Variants in MAGI1 observed in about 807,000 individuals in gnomAD.
MAGI1 encodes the protein membrane-associated guanylate kinase, WW and PDZ domain-containing protein 1.
MAGI1 carries 58 observed loss-of-function variants against 139.9 expected under a neutral mutation model. That is an observed-to-expected ratio of 0.41 (90% CI 0.34 to 0.52). The LOEUF (loss-of-function observed/expected upper bound fraction) is 0.52, where lower values mean the gene tolerates loss of function less well. MAGI1 is among the 20% of genes least tolerant of loss of function. MAGI1 has a pLI of 0.12. For missense variants in MAGI1, 1,874 were observed against 1,901.6 expected (o/e 0.99, Z 0.27); for synonymous variants, 812 against 737.9 (o/e 1.10, Z -1.63).
At chr3:65,448,270 T>C in intron 6 of MAGI1, 1 of 598,260 alleles carries the variant, frequency 1.7e-6, no homozygotes, top group Non-Finnish European at 3.0e-6. Flanking sequence ...ATTGGCAAAA[T>C]AATTACATGG....
chr3:65,965,519 A>T (rs2064695620), intron 1 of MAGI1, among the ~76,000 whole-genome samples: 1 of 152,204 alleles, frequency 6.6e-6, no homozygotes, highest in Non-Finnish European at 1.5e-5. Context: ...GGTGCTGAAG[A>T]CATATTAACA....
chr3:65,897,990 A>T (rs1408647312), intron 1 of MAGI1, among the ~76,000 whole-genome samples: 1 of 152,194 alleles, frequency 6.6e-6, no homozygotes, highest in Non-Finnish European at 1.5e-5. Flanking sequence ...AGAAAGACAG[A>T]TGTTTTCTCC....
At chr3:65,692,756 C>T (rs143781772) in intron 1 of MAGI1, among the ~76,000 whole-genome samples, 121 of 152,234 alleles carry the variant, frequency 7.9e-4, no homozygotes, top group African/African-American at 2.8e-3. Flanking sequence ...TGTCATGAGA[C>T]TGAGTCTGTT....
intron 1 of MAGI1, among the ~76,000 whole-genome samples, chr3:65,699,403 T>G (rs1469071626): frequency 6.7e-6 from 1 of 148,516 alleles, no homozygotes; most frequent in Non-Finnish European, 1.5e-5. Flanking sequence ...CTATAAATCA[T>G]GCTGCTGTAA....
At chr3:65,877,387 C>T (rs554403459) in intron 1 of MAGI1, among the ~76,000 whole-genome samples, 18 of 152,264 alleles carry the variant, frequency 1.2e-4, no homozygotes, top group African/African-American at 4.3e-4. Context: ...AGGGCACAAA[C>T]ATAAATGTTG....
chr3:65,656,382 C>T (rs1460418419), intron 1 of MAGI1, among the ~76,000 whole-genome samples: 1 of 152,144 alleles, frequency 6.6e-6, no homozygotes, highest in African/African-American at 2.4e-5. Context: ...GAGGTGAAGT[C>T]TGGTGTCCGT....
intron 1 of MAGI1, among the ~76,000 whole-genome samples, chr3:65,711,775 G>C (rs1402098932): frequency 2.0e-5 from 3 of 152,182 alleles, no homozygotes. Context: ...CAAGGTCTCA[G>C]AAGAAACCAA....
intron 1 of MAGI1, among the ~76,000 whole-genome samples, chr3:65,639,833 T>A (rs2084885805): frequency 6.6e-6 from 1 of 151,782 alleles, no homozygotes; most frequent in South Asian, 2.1e-4. Flanking sequence ...AAAAACCCCG[T>A]CTCTACTAAA....
At chr3:65,582,208 C>T (rs1433862548) in intron 2 of MAGI1, among the ~76,000 whole-genome samples, 1 of 152,172 alleles carries the variant, frequency 6.6e-6, no homozygotes, top group Non-Finnish European at 1.5e-5. Context: ...CATTCCCTGC[C>T]CTAGAACAGT....
intron 1 of MAGI1, among the ~76,000 whole-genome samples, chr3:66,007,089 C>T (rs1353302024): frequency 1.3e-5 from 2 of 152,118 alleles, no homozygotes; most frequent in Admixed American, 6.6e-5. Context: ...AATTCTCCCA[C>T]CTCGACCTCC....
chr3:65,685,311 T>A (rs1381817715), intron 1 of MAGI1, among the ~76,000 whole-genome samples: 6 of 143,668 alleles, frequency 4.2e-5, no homozygotes, highest in African/African-American at 1.0e-4. Context: ...TTTCTTCATT[T>A]AAAAAAAAAA....
intron 1 of MAGI1, among the ~76,000 whole-genome samples, chr3:65,625,606 G>A (rs548592324): frequency 6.6e-6 from 1 of 152,176 alleles, no homozygotes; most frequent in East Asian, 1.9e-4. Context: ...GACAGTGCCT[G>A]GCAAAAAGAA....
chr3:65,479,345 G>A (rs1208709125), intron 3 of MAGI1, among the ~76,000 whole-genome samples: 1 of 151,998 alleles, frequency 6.6e-6, no homozygotes, highest in Non-Finnish European at 1.5e-5. Context: ...ATGCGGGGTA[G>A]GAAAAAACCC....
intron 2 of MAGI1, among the ~76,000 whole-genome samples, chr3:65,621,396 A>G (rs1055789252): frequency 3.5e-4 from 53 of 152,158 alleles, no homozygotes; most frequent in Admixed American, 3.3e-4. Context: ...GGTGTAATCT[A>G]ATGGTTTGGG....
chr3:65,896,393 C>A (rs1460490493), intron 1 of MAGI1, among the ~76,000 whole-genome samples: 1 of 151,850 alleles, frequency 6.6e-6, no homozygotes. Context: ...GAAGAAAAAA[C>A]GACTTGAAAT....
intron 12 of MAGI1, among the ~76,000 whole-genome samples, chr3:65,403,159 A>G (rs1381085061): frequency 6.6e-6 from 1 of 152,132 alleles, no homozygotes. Context: ...GACTCACTTC[A>G]CAAGATTATT....
rs753846981 is a variant in MAGI1 at position 65,381,932 on chromosome 3, T to C, written c.2646A>G (p.Gln882=). Residue 882 remains glutamine (Q), a synonymous_variant, in exon 16 of 23, where the codon CAA becomes CAG. Transcript: ENST00000402939. ...SHQLVVQLMQ[Q]AAKQGHVNLT... ...GATTGACGTGGCCTTGCTTGGCAGC[T>C]TGTTGCATAAGCTGGACCACAAGCT... The C allele has an allele frequency of 2.5e-6, 4 of 1,614,114 alleles. No individual in the cohort carries two copies. The highest frequency in any genetic ancestry group is 2.5e-6 in the Non-Finnish European group (3 of 1,180,018).
intron 13 of MAGI1, 58 bp downstream of exon 13, chr3:65,401,381 C>T: frequency 7.6e-7 from 1 of 1,323,692 alleles, no homozygotes; most frequent in Non-Finnish European, 1.1e-6. Flanking sequence ...CTCCCACCTC[C>T]AGCCCCCCAC....
intron 2 of MAGI1, among the ~76,000 whole-genome samples, chr3:65,551,056 G>C (rs566817576): frequency 3.9e-5 from 6 of 152,144 alleles, no homozygotes; most frequent in African/African-American, 1.4e-4. Context: ...TCCAGGGAGA[G>C]ACCTGTAATC....
Sources: allele counts gnomAD v4.1 joint callset (sites outside exome capture counted in the v4.1 genomes callset), GRCh38; gene constraint gnomAD v4.1.1; transcripts MANE v1.5; gene names NCBI Gene and HGNC (gene_info 2026-07-23, HGNC 2026-07-21).